Variants in WDR47 observed in about 807,000 individuals in gnomAD.
WDR47 encodes the protein WD repeat domain 47, also known as WD repeat-containing protein 47.
WDR47 carries 32 observed loss-of-function variants against 97.2 expected under a neutral mutation model. The ratio of observed to expected loss-of-function variants is 0.33; its 90% CI spans 0.25 to 0.44. The LOEUF is 0.44. Ranked by LOEUF, WDR47 falls within the 20% of genes least tolerant of loss-of-function variation. The pLI, the probability that WDR47 is intolerant of heterozygous loss-of-function variation, is 1.00. For missense variants in WDR47, 782 were observed against 1,102.3 expected (o/e 0.71, Z 4.11); for synonymous variants, 375 against 373.5 (o/e 1.00, Z -0.05).
intron 6 of WDR47, among the ~76,000 whole-genome samples, chr1:109,003,027 T>C (rs2101906779): frequency 6.6e-6 from 1 of 152,332 alleles, no homozygotes; most frequent in South Asian, 2.1e-4. Context: ...AAAAGACACC[T>C]GCAAGTGTAT....
At chr1:108,973,876 C>G (rs1385703041) in intron 14 of WDR47, among the ~76,000 whole-genome samples, 1 of 70,298 alleles carries the variant, frequency 1.4e-5, no homozygotes, top group Non-Finnish European at 2.8e-5. Context: ...GAGTGAGACC[C>G]TGCCTCAAAA....
intron 3 of WDR47, among the ~76,000 whole-genome samples, chr1:109,015,315 A>G (rs1557949715): frequency 1.3e-5 from 2 of 152,130 alleles, no homozygotes; most frequent in African/African-American, 4.8e-5. Flanking sequence ...GATTTTATTT[A>G]TTTGTTTGTT....
At chr1:108,996,749 T>C (rs1361929126) in intron 7 of WDR47, among the ~76,000 whole-genome samples, 1 of 152,226 alleles carries the variant, frequency 6.6e-6, no homozygotes, top group Non-Finnish European at 1.5e-5. Context: ...AGTCTCTCCA[T>C]TGCTGTAGCC....
intron 13 of WDR47, among the ~76,000 whole-genome samples, chr1:108,975,850 C>A (rs1010542480): frequency 6.6e-6 from 1 of 151,964 alleles, no homozygotes; most frequent in Non-Finnish European, 1.5e-5. Flanking sequence ...AAAGAATAAT[C>A]TTTTCTTGAA....
intron 1 of WDR47, among the ~76,000 whole-genome samples, chr1:109,025,430 CAAAA>C (rs34794200): frequency 1.1e-4 from 11 of 101,760 alleles, no homozygotes; most frequent in South Asian, 3.5e-4. Flanking sequence ...GACTCTGCCT[CAAAA>C]AAAAAAAAAA....
intron 13 of WDR47, among the ~76,000 whole-genome samples, chr1:108,977,399 C>T (rs547891916): frequency 6.6e-6 from 1 of 152,098 alleles, no homozygotes; most frequent in African/African-American, 2.4e-5. Flanking sequence ...GGAAATCCAC[C>T]CACCTCGGCC....
At chr1:109,035,090 AAAAC>A (rs1662846715) in intron 1 of WDR47, among the ~76,000 whole-genome samples, 1 of 151,476 alleles carries the variant, frequency 6.6e-6, no homozygotes, top group Non-Finnish European at 1.5e-5. Context: ...CCAAAAAAAA[AAAAC>A]AATTAGCCAG....
At chr1:108,980,553 ACCCAAT>A (rs940843628) in intron 13 of WDR47, among the ~76,000 whole-genome samples, 17 of 151,882 alleles carry the variant, frequency 1.1e-4, no homozygotes, top group Admixed American at 1.1e-3. Flanking sequence ...ATATGGTGAA[ACCCAAT>A]CTCTACTAAA....
chr1:109,001,818 G>A (rs1048413408), intron 7 of WDR47, among the ~76,000 whole-genome samples: 1 of 152,074 alleles, frequency 6.6e-6, no homozygotes, highest in African/African-American at 2.4e-5. Flanking sequence ...TTGAGCCCAG[G>A]AAGTTGAAGC....
intron 7 of WDR47, among the ~76,000 whole-genome samples, chr1:109,000,423 C>T (rs1024109362): frequency 1.2e-4 from 18 of 147,300 alleles, no homozygotes; most frequent in African/African-American, 3.7e-4. Context: ...GCAGGAGAAC[C>T]GCTTGAACCT....
intron 2 of WDR47, among the ~76,000 whole-genome samples, chr1:109,018,278 G>A (rs983035549): frequency 2.0e-5 from 3 of 151,538 alleles, no homozygotes; most frequent in Admixed American, 1.3e-4. Flanking sequence ...GCGAAACCCC[G>A]TCTCTACTAA....
At position 108,996,001 on chromosome 1, in the gene WDR47, G is replaced by C. The variant is rs182416472; in HGVS notation, c.1434-164C>G. ...CACCATCAACTTAAGACATAACCAA[G>C]ATACTGAAAGAAGATCCACATTTTC... is the stretch of plus-strand genomic sequence containing the variant. On this transcript the variant is annotated intron_variant, in intron 7 of 14. Transcript: ENST00000369962. 2.7e-3 allele frequency among the ~76,000 whole-genome samples: 415 copies of C among 152,262 alleles called. 3 individuals carry two copies. Among genetic ancestry groups the C allele is most frequent in the African/African-American group, 9.6e-3 (401 of 41,556 alleles).
In WDR47 at chr1:109,011,444, C is replaced by G; in HGVS notation, c.602G>C (p.Gly201Ala). The change falls in exon 5 of 15, where the codon GGC becomes GCC. Residue 201 changes from glycine to alanine, a missense_variant. Physicochemically the swap from Gly to Ala is moderately conservative, Grantham distance 60. Coordinates refer to ENST00000369962, the MANE Select transcript of WDR47 (RefSeq NM_001142551.2). ...NNRLFQLVMK[G>A]LLYECCVEFC... ...TTCTACACAGCATTCATAAAGCAGG[C>G]CTTTCATTACAAGCTGAAATAAACG... 1 of 1,614,136 alleles carries G rather than the reference C, an allele frequency of 6.2e-7. No individual in the cohort carries two copies. The highest frequency in any genetic ancestry group is 8.5e-7 in the Non-Finnish European group (1 of 1,180,036).
Position 109,012,572 on chromosome 1 carries a change from C to CAAAAAAAAAAAA in WDR47, c.328-866_328-855dup, listed in dbSNP as rs57237933. 2.8e-3 allele frequency among the ~76,000 whole-genome samples: 210 copies of CAAAAAAAAAAAA among 73,798 alleles called. 8 individuals carry two copies. The highest frequency in any genetic ancestry group is 0.01 in the African/African-American group (170 of 16,730). 48.4% of individuals were successfully genotyped at this position (73,798 alleles called of 152,430 possible). ...TGGGTGACAGTGTGAGACTCCATCT[C>CAAAAAAAAAAAA]AAAAAAAAAAAAAAAAAACAGAAAG... On this transcript the variant is annotated intron_variant, in intron 4 of 14. Transcript: ENST00000369962.
chr1:109,035,471 G>A (rs546361773), intron 1 of WDR47, among the ~76,000 whole-genome samples: 8 of 151,790 alleles, frequency 5.3e-5, no homozygotes, highest in Admixed American at 5.3e-4. Flanking sequence ...GTTAATACAT[G>A]CATTTCTCAT....
Position 109,011,416 on chromosome 1 carries a change from A to C in WDR47, c.630T>G (p.Phe210Leu). ...CTTCTCCAGTTGCTTTACTCTGACA[A>C]AATTCTACACAGCATTCATAAAGCA... ...KGLLYECCVE[F>L]CQSKATGEEI... The change falls in exon 5 of 15, where the codon TTT (phenylalanine) becomes TTG (leucine). Residue 210 changes from phenylalanine (F) to leucine (L), a missense_variant. This residue lies in a region of WDR47 where 428 missense variants were observed against 584.3 expected (regional missense o/e 0.73). Coordinates refer to ENST00000369962, the MANE Select transcript of WDR47 (RefSeq NM_001142551.2). The C allele has an allele frequency of 6.2e-7, 1 of 1,614,172 alleles. No homozygotes were observed. Among genetic ancestry groups the C allele is most frequent in the Non-Finnish European group, 8.5e-7 (1 of 1,180,036 alleles).
intron 13 of WDR47, among the ~76,000 whole-genome samples, chr1:108,981,252 G>A (rs1411423703): frequency 6.6e-6 from 1 of 152,090 alleles, no homozygotes; most frequent in Admixed American, 6.6e-5. Context: ...GTGTGTGTGT[G>A]TGCGTGTGTG....
rs539209514 is a variant in WDR47 at position 109,027,672 on chromosome 1, T to C, written c.-9-4151A>G. ...CCAAGTAGCTGGGATCACAGGTGCC[T>C]GCCACCACGCCCGGCTAATTTTTGT... On this transcript the variant is annotated intron_variant, in intron 1 of 14. Coordinates refer to ENST00000369962, the MANE Select transcript of WDR47 (RefSeq NM_001142551.2). Among the ~76,000 whole-genome samples, 8 of 152,124 alleles carry C rather than the reference T, an allele frequency of 5.3e-5. No individual in the cohort carries two copies. The East Asian group carries it at 1.2e-3, about 22-fold the overall frequency.
In WDR47 at chr1:108,979,924, C is replaced by T. The variant is rs911006360; in HGVS notation, c.2398+1809G>A. ...CTGTTAGGCACCGGGCCACACAGCA[C>T]GAGGTGAGTGACAAATGAGTGAGCA... On this transcript the variant is annotated intron_variant, in intron 13 of 14. Coordinates refer to ENST00000369962, the MANE Select transcript of WDR47 (RefSeq NM_001142551.2). Among the ~76,000 whole-genome samples, 21 of 152,300 alleles carry T rather than the reference C, an allele frequency of 1.4e-4. No individual in the cohort carries two copies. In the East Asian group the frequency reaches 1.5e-3, roughly 11 times the overall value.
Sources: allele counts gnomAD v4.1 joint callset (sites outside exome capture counted in the v4.1 genomes callset), GRCh38; gene constraint gnomAD v4.1.1; regional missense constraint gnomAD v4.1.1; transcripts MANE v1.5; gene names NCBI Gene and HGNC (gene_info 2026-07-23, HGNC 2026-07-21).